Variants in NXPE1 observed in about 807,000 individuals in gnomAD.
NXPE1 encodes NXPE family member 1.
NXPE1 carries 31 observed loss-of-function variants against 33.3 expected under a neutral mutation model. That is an observed-to-expected ratio of 0.93 (90% CI 0.70 to 1.26). NXPE1 has a LOEUF of 1.26. NXPE1 is among the 50% of genes most tolerant of loss of function. The pLI, the probability that NXPE1 is intolerant of heterozygous loss-of-function variation, is 0.00. For missense variants in NXPE1, 661 were observed against 655.6 expected (o/e 1.01, Z -0.09); for synonymous variants, 229 against 231.4 (o/e 0.99, Z 0.09).
At chr11:114,537,365 T>A (rs544190064) in intron 5 of NXPE1, among the ~76,000 whole-genome samples, 2 of 152,280 alleles carry the variant, frequency 1.3e-5, no homozygotes, top group African/African-American at 4.8e-5. Flanking sequence ...CTTTGAAAAC[T>A]GGCACAAGAC....
chr11:114,550,509 T>C (rs1239451991), intron 5 of NXPE1, among the ~76,000 whole-genome samples: 1 of 152,126 alleles, frequency 6.6e-6, no homozygotes, highest in Non-Finnish European at 1.5e-5. Context: ...ATTAGGATAA[T>C]TGGAGAGTCA....
chr11:114,546,466 TTTTTC>T (rs1406368691), intron 5 of NXPE1, among the ~76,000 whole-genome samples: 3 of 93,298 alleles, frequency 3.2e-5, no homozygotes, highest in African/African-American at 7.7e-5. Context: ...ATATTTTTTC[TTTTTC>T]TTTTTTTTTT....
intron 5 of NXPE1, among the ~76,000 whole-genome samples, chr11:114,542,358 C>G (rs1948127404): frequency 6.6e-6 from 1 of 152,112 alleles, no homozygotes; most frequent in Non-Finnish European, 1.5e-5. Flanking sequence ...CTATTTTTCC[C>G]AGATCGTTCC....
rs1313278902 is a variant in NXPE1, at chr11:114,530,938, GA to G, written c.100-31del. On this transcript the variant is annotated intron_variant, in intron 5 of 8. Transcript: ENST00000534921. ...AATGACAAGGATTGTGATATACTAT[GA>G]AATTAACCTGTCTAATCATTTTTAC... The G allele has an allele frequency of 1.0e-5, 16 of 1,542,032 alleles. No homozygotes were observed. In the African/African-American group the frequency reaches 2.2e-4, roughly 21 times the overall value.
At chr11:114,548,629 A>G (rs1277377019) in intron 5 of NXPE1, among the ~76,000 whole-genome samples, 1 of 152,070 alleles carries the variant, frequency 6.6e-6, no homozygotes, top group African/African-American at 2.4e-5. Context: ...ATTAATGCAT[A>G]TTATGTTAGA....
chr11:114,530,206 G>C lies in NXPE1; in HGVS notation c.802C>G (p.Leu268Val), dbSNP rs141451498. The C allele has an allele frequency of 2.1e-5, 34 of 1,611,430 alleles. No homozygotes were observed. The highest frequency in any genetic ancestry group is 5.0e-5 in the Admixed American group (3 of 59,508). Residue 268 changes from leucine (L) to valine (V), a missense_variant, in exon 6 of 9, where the codon CTT becomes GTT. Leu to Val is a conservative substitution (Grantham distance 32). Coordinates refer to ENST00000534921, the Ensembl canonical transcript of NXPE1. ...AAAAGGCTGTTTTCCTTGTCTGTAAGATAAGATACCTCTCTATTCCGGGTG... is the reference window on the plus strand; with the variant it reads ...AAAAGGCTGTTTTCCTTGTCTGTAACATAAGATACCTCTCTATTCCGGGTG...
intron 1 of NXPE1, among the ~76,000 whole-genome samples, chr11:114,553,272 G>A (rs1482343085): frequency 6.6e-6 from 1 of 152,116 alleles, no homozygotes; most frequent in African/African-American, 2.4e-5. Flanking sequence ...TTAGACTGAT[G>A]GACATTCTAG....
chr11:114,535,658 A>G (rs966783299), intron 5 of NXPE1, among the ~76,000 whole-genome samples: 2 of 152,216 alleles, frequency 1.3e-5, no homozygotes, highest in Non-Finnish European at 2.9e-5. Context: ...ACAGACTTAA[A>G]CCAACAAAGA....
chr11:114,521,854 G>A lies in NXPE1; in HGVS notation c.*114C>T, dbSNP rs1947218624. ...CTTACATAGCCTTCCTCCCCAAACAGATTCTTTTAAATTTATTTTCCTTAG... is the reference window on the plus strand; with the variant it reads ...CTTACATAGCCTTCCTCCCCAAACAAATTCTTTTAAATTTATTTTCCTTAG... On this transcript the variant is annotated 3_prime_UTR_variant, in exon 9 of 9. Coordinates refer to ENST00000534921, the Ensembl canonical transcript of NXPE1. 3.7e-6 allele frequency: 3 copies of A among 820,702 alleles called. No homozygotes were observed. In the African/African-American group the frequency reaches 5.2e-5, roughly 14 times the overall value. 50.8% of individuals were successfully genotyped at this position (820,702 alleles called of 1,614,324 possible).
At chr11:114,530,800 C>T (rs751912013) in exon 6 of NXPE1, 22 of 1,614,042 alleles carry the variant, frequency 1.4e-5, no homozygotes, top group South Asian at 1.1e-4. Context: ...ATTCTGAGTT[C>T]AGTCTCTGTT....
chr11:114,523,438 T>C (rs1947276522), intron 7 of NXPE1, among the ~76,000 whole-genome samples: 1 of 152,188 alleles, frequency 6.6e-6, no homozygotes. Flanking sequence ...GTTAGTGGTC[T>C]GCCAGTTGGT....
intron 5 of NXPE1, among the ~76,000 whole-genome samples, chr11:114,539,301 G>A (rs71486268): frequency 7.6e-6 from 1 of 130,974 alleles, no homozygotes; most frequent in East Asian, 2.7e-4. Flanking sequence ...GGGGAGGGGG[G>A]AGGGATAGCA....
chr11:114,530,340 G>A, exon 6 of NXPE1: 1 of 1,614,196 alleles, frequency 6.2e-7, no homozygotes, highest in Non-Finnish European at 8.5e-7. Context: ...TGAGTTTAGG[G>A]TCAGGCCACA....
chr11:114,551,504 C>T (rs2135113621), intron 3 of NXPE1, 63 bp from the exon 4 acceptor site: 1 of 724,914 alleles, frequency 1.4e-6, no homozygotes, highest in Middle Eastern at 5.7e-4. Context: ...TTCTTAGTTA[C>T]AAGACATAAC....
chr11:114,523,695 C>T (rs998907010), intron 7 of NXPE1, among the ~76,000 whole-genome samples: 2 of 152,158 alleles, frequency 1.3e-5, no homozygotes, highest in Non-Finnish European at 2.9e-5. Flanking sequence ...GCTCTGTTTG[C>T]ACATGGTCTG....
exon 6 of NXPE1, chr11:114,530,513 C>T (rs773882481): frequency 6.2e-7 from 1 of 1,613,920 alleles, no homozygotes; most frequent in African/African-American, 1.3e-5. Context: ...TGAAGCTGAC[C>T]AGGTAGGTGC....
chr11:114,547,382 G>C (rs1440151385), intron 5 of NXPE1, among the ~76,000 whole-genome samples: 3 of 152,172 alleles, frequency 2.0e-5, no homozygotes, highest in Non-Finnish European at 4.4e-5. Context: ...CCAGACCACT[G>C]TTCCTTAAAA....
chr11:114,530,020 T>TG, intron 6 of NXPE1, 155 bp downstream of exon 6: 1 of 710,410 alleles, frequency 1.4e-6, no homozygotes, highest in Non-Finnish European at 2.3e-6. Flanking sequence ...AACTTTGGCC[T>TG]AGAGTGGTGA....
exon 9 of NXPE1, chr11:114,522,025 G>T (rs750941595): frequency 5.6e-6 from 9 of 1,613,794 alleles, no homozygotes; most frequent in Non-Finnish European, 7.6e-6. Context: ...GATCAGGTGG[G>T]TGGATAGTGT....
Sources: gnomAD v4.1 joint callset for allele counts (sites outside exome capture counted in the v4.1 genomes callset) on GRCh38, gnomAD v4.1.1 for gene constraint, MANE v1.5 for transcripts, NCBI Gene and HGNC (gene_info 2026-07-23, HGNC 2026-07-21) for gene names.